The following RC3H2 variants were observed in gnomAD, a reference collection of about 807,000 sequenced individuals.
RC3H2 encodes roquin-2.
Under a neutral mutation model 133.3 loss-of-function variants are expected in RC3H2, and 31 were observed. The ratio of observed to expected loss-of-function variants is 0.23; its 90% CI spans 0.17 to 0.31. The LOEUF (loss-of-function observed/expected upper bound fraction) is 0.31, where lower values mean the gene tolerates loss of function less well. RC3H2 is among the 10% of genes least tolerant of loss of function. The pLI is 1.00. For synonymous variants in RC3H2, 517 were observed against 502.2 expected (o/e 1.03, Z -0.40); for missense variants, 1,175 against 1,437.2 (o/e 0.82, Z 2.95).
At chr9:122,867,260 C>T (rs1426317486) in intron 9 of RC3H2, among the ~76,000 whole-genome samples, 7 of 105,762 alleles carry the variant, frequency 6.6e-5, no homozygotes, top group East Asian at 5.7e-4. Flanking sequence ...CCCGGCCAGC[C>T]GCCCCGTCCG....
At chr9:122,887,278 T>A (rs1054937514) in intron 4 of RC3H2, among the ~76,000 whole-genome samples, 1 of 152,250 alleles carries the variant, frequency 6.6e-6, no homozygotes. Context: ...AAATTGTTTG[T>A]ACATATTGTG....
At chr9:122,885,971 T>A (rs1319856214) in intron 4 of RC3H2, among the ~76,000 whole-genome samples, 1 of 152,242 alleles carries the variant, frequency 6.6e-6, no homozygotes, top group East Asian at 1.9e-4. Context: ...CACTGCAACC[T>A]CCGCCTCCTA....
At chr9:122,885,787 T>TAAGC (rs774742660) in intron 4 of RC3H2, among the ~76,000 whole-genome samples, 3 of 152,218 alleles carry the variant, frequency 2.0e-5, no homozygotes, top group Non-Finnish European at 4.4e-5. Context: ...TCATCACCAT[T>TAAGC]AAGCAGTCAC....
intron 6 of RC3H2, 41 bp from the exon 7 acceptor site, chr9:122,880,166 A>C: frequency 6.2e-7 from 1 of 1,602,832 alleles, no homozygotes; most frequent in Non-Finnish European, 8.5e-7. Context: ...TTTGGTTCTT[A>C]TGACACATTT....
intron 2 of RC3H2, among the ~76,000 whole-genome samples, chr9:122,896,430 T>C (rs1832422410): frequency 1.3e-5 from 2 of 152,214 alleles, no homozygotes; most frequent in Non-Finnish European, 2.9e-5. Flanking sequence ...TGAATAAATA[T>C]ATATGCTTAT....
At chr9:122,894,535 G>A (rs960350695) in intron 2 of RC3H2, among the ~76,000 whole-genome samples, 3 of 152,136 alleles carry the variant, frequency 2.0e-5, no homozygotes, top group African/African-American at 2.4e-5. Context: ...TTTAATTAGG[G>A]TGGTCAGGAT....
chr9:122,852,665 G>C (rs1408364329), intron 18 of RC3H2, among the ~76,000 whole-genome samples: 1 of 148,516 alleles, frequency 6.7e-6, no homozygotes, highest in Non-Finnish European at 1.5e-5. Context: ...CAGCCGCCCT[G>C]TCCGGGAGGT....
At chr9:122,904,725 C>A (rs923689194) in intron 1 of RC3H2, among the ~76,000 whole-genome samples, 1 of 152,222 alleles carries the variant, frequency 6.6e-6, no homozygotes, top group Non-Finnish European at 1.5e-5. Flanking sequence ...AGCCCCAGGG[C>A]AGAAAGCTGA....
Position 122,855,720 on chromosome 9 carries a change from G to T in RC3H2, c.2601+12C>A, listed in dbSNP as rs1188847488. ...CTCACCTCCAACCCCTGCAACCCCA[G>T]CAAAATCATACCATTAACACAGCAT... On this transcript the variant is annotated intron_variant, in intron 14 of 20. Transcript: ENST00000357244. 6.2e-7 allele frequency: 1 copy of T among 1,605,440 alleles called. No individual in the cohort carries two copies. Among genetic ancestry groups the T allele is most frequent in the Non-Finnish European group, 8.5e-7 (1 of 1,175,910 alleles).
rs1829838727 is a variant in RC3H2 at position 122,844,957 on chromosome 9, C to T, written c.*4670G>A. 6.6e-6 allele frequency: 1 copy of T among 152,172 alleles called. No homozygotes were observed. Among genetic ancestry groups the T allele is most frequent in the South Asian group, 2.1e-4 (1 of 4,828 alleles). 9.4% of individuals were successfully genotyped at this position (152,172 alleles called of 1,614,324 possible). On this transcript the variant is annotated 3_prime_UTR_variant, in exon 21 of 21. Transcript: ENST00000357244. ...TTTAAATTATAGTTTTAAATAGAAG[C>T]TGAGTATATGCCTTAAAAATGAGCA...
chr9:122,850,215 T>C (rs1355454719), intron 20 of RC3H2, among the ~76,000 whole-genome samples: 1 of 151,972 alleles, frequency 6.6e-6, no homozygotes, highest in Non-Finnish European at 1.5e-5. Context: ...CCTCAAATGA[T>C]CCACCCGCCT....
intron 19 of RC3H2, 24 bp from the exon 20 acceptor site, chr9:122,851,253 T>A (rs1830008378): frequency 6.2e-7 from 1 of 1,612,798 alleles, no homozygotes; most frequent in Admixed American, 1.7e-5. Flanking sequence ...ATGTTAATCC[T>A]TCAGTATGAA....
intron 9 of RC3H2, chr9:122,873,826 T>C (rs1195965334): frequency 6.6e-6 from 1 of 152,142 alleles, no homozygotes; most frequent in Admixed American, 6.5e-5. Context: ...TTATTTATAT[T>C]TATTTTTTTG....
At chr9:122,855,928 C>G in intron 13 of RC3H2, 50 bp from the exon 14 acceptor site, 1 of 1,482,510 alleles carries the variant, frequency 6.7e-7, no homozygotes, top group Non-Finnish European at 9.2e-7. Context: ...CTTAAATTTA[C>G]AAGCTTGTAA....
At chr9:122,898,788 A>G (rs1275465149) in intron 1 of RC3H2, among the ~76,000 whole-genome samples, 2 of 151,810 alleles carry the variant, frequency 1.3e-5, no homozygotes, top group Admixed American at 6.6e-5. Flanking sequence ...TAGTAAAGTA[A>G]AAGATTTAGT....
chr9:122,861,461 G>C (rs1353349980), intron 10 of RC3H2, among the ~76,000 whole-genome samples: 1 of 138,968 alleles, frequency 7.2e-6, no homozygotes, highest in Non-Finnish European at 1.5e-5. Flanking sequence ...TTGCACTCCA[G>C]CCCAGGCAAC....
In RC3H2 at chr9:122,905,114, G is replaced by A. The variant is rs1364486024; in HGVS notation, c.-72C>T. ...TCGTGCCCGCCCCCGCCCTACCTGA[G>A]GGGGCCCGGGCGGGGTCGCTAAGGG... On this transcript the variant is annotated 5_prime_UTR_variant, in exon 1 of 21. Coordinates refer to ENST00000357244, the MANE Select transcript of RC3H2 (RefSeq NM_001100588.3). 7 of 985,404 alleles carry A rather than the reference G, an allele frequency of 7.1e-6. No homozygotes were observed. The highest frequency in any genetic ancestry group is 6.0e-6 in the Non-Finnish European group (5 of 829,922). The allele number at this position is 985,404 out of a possible 1,614,324, so 61.0% of individuals were successfully genotyped here.
rs1830357029 is a variant in RC3H2, at chr9:122,859,035, G to C, written c.1917C>G (p.Ser639=). 13 of 1,611,914 alleles carry C rather than the reference G, an allele frequency of 8.1e-6. No homozygotes were observed. Among genetic ancestry groups the C allele is most frequent in the Non-Finnish European group, 1.1e-5 (13 of 1,178,448 alleles). ...VAPCVPRFVR[S]NNVPESSLPP... is the part of the protein sequence containing the mutation. ...GGAGGGAGGACTCTGGAACGTTATT[G>C]GACCTCACAAAGCGAGGAACACAGG... Residue 639 remains serine, a synonymous_variant, in exon 12 of 21, where the codon TCC becomes TCG. Transcript: ENST00000357244.
intron 10 of RC3H2, among the ~76,000 whole-genome samples, chr9:122,863,816 A>C (rs1830544625): frequency 6.6e-6 from 1 of 151,950 alleles, no homozygotes; most frequent in Admixed American, 6.6e-5. Context: ...GGCTCACTGC[A>C]ACCTCCACCT....
Sources: allele counts gnomAD v4.1 joint callset (sites outside exome capture counted in the v4.1 genomes callset), GRCh38; gene constraint gnomAD v4.1.1; transcripts MANE v1.5; gene names NCBI Gene and HGNC (gene_info 2026-07-23, HGNC 2026-07-21).